Variants in NEB observed in about 807,000 individuals in gnomAD.
The protein encoded by NEB is nemaline myopathy type 2.
Under a neutral mutation model 952.2 loss-of-function variants are expected in NEB, and 512 were observed. That is an observed-to-expected ratio of 0.54 (90% CI 0.50 to 0.58). NEB has a LOEUF of 0.58. Among genes scored for constraint, NEB ranks in the 20% least tolerant of loss-of-function variants. The pLI is 0.00. For synonymous variants in NEB, 2,900 were observed against 3,149.8 expected, an observed-to-expected ratio of 0.92 and a Z score of 2.66; for missense variants, 8,428 against 9,231.1, an observed-to-expected ratio of 0.91 and a Z score of 3.56.
At chr2:151,716,226 C>A in intron 10 of NEB, 1 of 364,220 alleles carries the variant, frequency 2.7e-6, no homozygotes, top group Non-Finnish European at 5.4e-6. Flanking sequence ...GCAACCTCCG[C>A]TTCCCGGGAT....
intron 55 of NEB, among the ~76,000 whole-genome samples, 167 bp downstream of exon 55, chr2:151,645,963 T>C (rs1477314745): frequency 6.6e-6 from 1 of 152,230 alleles, no homozygotes; most frequent in Non-Finnish European, 1.5e-5. Flanking sequence ...TAGTGAGTAC[T>C]AACATTTCGA....
chr2:151,661,062 T>C (rs2099142170), intron 46 of NEB, among the ~76,000 whole-genome samples: 1 of 152,140 alleles, frequency 6.6e-6, no homozygotes, highest in African/African-American at 2.4e-5. Context: ...GACCCTGCTG[T>C]TGACCCGCTG....
chr2:151,639,109 A>T (rs2098814802), intron 63 of NEB, among the ~76,000 whole-genome samples, 171 bp downstream of exon 63: 2 of 152,234 alleles, frequency 1.3e-5, no homozygotes, highest in African/African-American at 4.8e-5. Flanking sequence ...ATGATAATTC[A>T]TATTGCATAA....
Position 151,548,538 on chromosome 2 carries a change from G to A in NEB, c.20050-123C>T. ...ATTGCTCTTTTTAAGGATTAAGTAT[G>A]TAGAAAAGTCATTGACAAAATTTCA... On this transcript the variant is annotated intron_variant, in intron 130 of 181. Transcript: ENST00000397345. The A allele has an allele frequency of 1.5e-5, 10 of 656,568 alleles. 1 individual carries two copies. The South Asian group carries it at 2.0e-4, about 13-fold the overall frequency. 40.7% of individuals were successfully genotyped at this position (656,568 alleles called of 1,614,324 possible).
In NEB at chr2:151,682,713, A is replaced by C. The variant is rs762595663; in HGVS notation, c.2892T>G (p.Phe964Leu). The C allele has an allele frequency of 6.2e-7, 1 of 1,612,882 alleles. No homozygotes were observed. The highest frequency in any genetic ancestry group is 2.2e-5 in the East Asian group (1 of 44,822). Residue 964 changes from phenylalanine to leucine, a missense_variant, in exon 29 of 182, where the codon TTT (phenylalanine) becomes TTG (leucine). Transcript: ENST00000397345. ...TTGCCTTTTCCATTTCTAAGGACCCAAAAGGCACCCAGCCACAACCTTTCA... is the reference window on the plus strand; with the variant it reads ...TTGCCTTTTCCATTTCTAAGGACCCCAAAGGCACCCAGCCACAACCTTTCA... ...SWMKGCGWVP[F>L]GSLEMEKAKR...
Position 151,679,752 on chromosome 2 carries a change from G to T in NEB, c.3224C>A (p.Ala1075Asp), listed in dbSNP as rs574309369. 2 of 1,604,042 alleles carry T rather than the reference G, an allele frequency of 1.2e-6. No homozygotes were observed. Among genetic ancestry groups the T allele is most frequent in the Admixed American group, 3.4e-5 (2 of 59,554 alleles). ...CGCCGCCTGCCTGGCAGCTTTGGCAGCTCTGATGGGAATCGCATCAGTTCT... is the reference window on the plus strand; with the variant it reads ...CGCCGCCTGCCTGGCAGCTTTGGCATCTCTGATGGGAATCGCATCAGTTCT... The part of the protein sequence containing the change: ...DLRTDAIPIR[A>D]AKAARQAASD... The change falls in exon 32 of 182, where the codon GCT becomes GAT. Residue 1075 changes from alanine (A) to aspartate (D), a missense_variant. Around this residue, in one of 11 missense-constraint regions of NEB, gnomAD observed 2,851 missense variants for 2,791.5 expected, o/e 1.02. Coordinates refer to ENST00000397345, the MANE Select transcript of NEB (RefSeq NM_001164508.2).
chr2:151,518,181 CA>C lies in NEB; in HGVS notation c.22800+136del, dbSNP rs957874949. On this transcript the variant is annotated intron_variant, in intron 156 of 181. Transcript: ENST00000397345. ...TAATTTATAACATAAGAATTTGTTT[CA>C]AAAAGTTACCAGATTCAAAACCCCT... 5 of 706,332 alleles carry C rather than the reference CA, an allele frequency of 7.1e-6. No homozygotes were observed. The African/African-American group carries it at 8.8e-5, about 12-fold the overall frequency. The allele number at this position is 706,332 out of a possible 1,614,324, so 43.8% of individuals were successfully genotyped here.
chr2:151,557,526 G>A (rs2153683834), intron 124 of NEB, among the ~76,000 whole-genome samples: 1 of 152,270 alleles, frequency 6.6e-6, no homozygotes, highest in East Asian at 1.9e-4. Flanking sequence ...TATGAGGCCG[G>A]CATCATCCTG....
intron 162 of NEB, chr2:151,507,782 C>A (rs1453063980): frequency 3.9e-6 from 2 of 510,558 alleles, no homozygotes; most frequent in Admixed American, 6.3e-5. Context: ...ATATTTTCTC[C>A]CCAATACCAC....
Position 151,491,728 on chromosome 2 carries a change from G to A in NEB, c.25105C>T (p.Pro8369Ser), listed in dbSNP as rs1038960610. The change falls in exon 179 of 182, where the codon CCA (proline) becomes TCA (serine). Residue 8369 changes from proline to serine, a missense_variant. By Grantham distance (74) the Pro-to-Ser change is moderately conservative. Coordinates refer to ENST00000397345, the MANE Select transcript of NEB (RefSeq NM_001164508.2). Reference protein sequence around the residue: ...TNPGSVFDYDPAEDNIQSRSL... With the variant: ...TNPGSVFDYDSAEDNIQSRSL... ...CGGGACTGGATGTTGTCTTCTGCTG[G>A]ATCATAGTCAAAAACCGAACCAGGA... 2 of 1,598,472 alleles carry A rather than the reference G, an allele frequency of 1.3e-6. No individual in the cohort carries two copies. Among genetic ancestry groups the A allele is most frequent in the Non-Finnish European group, 1.7e-6 (2 of 1,172,168 alleles).
intron 135 of NEB, among the ~76,000 whole-genome samples, chr2:151,543,490 T>C (rs1242833125): frequency 1.3e-5 from 2 of 152,216 alleles, no homozygotes; most frequent in Admixed American, 1.3e-4. Context: ...CTTAGAATTT[T>C]ATGGCTAAAA....
At chr2:151,486,218 A>G (rs1174055101) in intron 181 of NEB, 1 of 309,210 alleles carries the variant, frequency 3.2e-6, no homozygotes, top group Non-Finnish European at 6.0e-6. Context: ...TCCAAAAAAG[A>G]TAGACAAATA....
Position 151,684,770 on chromosome 2 carries a change from T to A in NEB, c.2835+8A>T. 1 of 1,561,258 alleles carries A rather than the reference T, an allele frequency of 6.4e-7. No individual in the cohort carries two copies. Among genetic ancestry groups the A allele is most frequent in the Non-Finnish European group, 8.7e-7 (1 of 1,154,940 alleles). ...AAAAGAGGGGCTACAGAAACCCTGG[T>A]TACTCACATCGCTCTGCAGCGCATA... On this transcript the variant is annotated splice_region_variant and intron_variant, in intron 28 of 181. Coordinates refer to ENST00000397345, the MANE Select transcript of NEB (RefSeq NM_001164508.2).
chr2:151,553,807 C>A (rs1287604081), intron 126 of NEB, 21 bp downstream of exon 126: 1 of 1,591,332 alleles, frequency 6.3e-7, no homozygotes, highest in Admixed American at 1.7e-5. Flanking sequence ...TGGAGGGGTA[C>A]TTCTTAAGTC....
chr2:151,626,612 C>G (rs2098531078), intron 70 of NEB, among the ~76,000 whole-genome samples: 2 of 151,966 alleles, frequency 1.3e-5, no homozygotes, highest in African/African-American at 4.8e-5. Flanking sequence ...TCTCAGCTCA[C>G]TACGAGCTCC....
chr2:151,620,345 G>GTATATATATATATA (rs775274994), intron 72 of NEB, among the ~76,000 whole-genome samples: 29 of 87,868 alleles, frequency 3.3e-4, no homozygotes, highest in Non-Finnish European at 5.4e-4. Flanking sequence ...ATGTATGTGT[G>GTATATATATATATA]TGTATATATA....
intron 3 of NEB, among the ~76,000 whole-genome samples, chr2:151,730,923 T>C (rs1156978224): frequency 6.6e-6 from 1 of 152,178 alleles, no homozygotes; most frequent in Non-Finnish European, 1.5e-5. Flanking sequence ...TCGTTACACA[T>C]AGCAACAAAA....
At chr2:151,522,358 A>G (rs1406082466) in intron 153 of NEB, among the ~76,000 whole-genome samples, 1 of 152,200 alleles carries the variant, frequency 6.6e-6, no homozygotes, top group African/African-American at 2.4e-5. Context: ...AGTATATTAA[A>G]AATCAAAAAT....
intron 127 of NEB, 27 bp downstream of exon 127, chr2:151,553,367 TATAC>T (rs1273747046): frequency 6.7e-7 from 1 of 1,499,190 alleles, no homozygotes. Context: ...GAAATGGAAA[TATAC>T]TAAAGAACAA....
Sources: allele counts gnomAD v4.1 joint callset (sites outside exome capture counted in the v4.1 genomes callset), GRCh38; gene constraint gnomAD v4.1.1; regional missense constraint gnomAD v4.1.1; transcripts MANE v1.5; gene names NCBI Gene and HGNC (gene_info 2026-07-23, HGNC 2026-07-21).